AGBL4: variants seen among roughly 807,000 people sequenced by gnomAD.
AGBL4 encodes the protein AGBL carboxypeptidase 4.
In AGBL4, 58 loss-of-function variants were observed where a neutral mutation model predicts 66.4. The observed-to-expected ratio is 0.87, with a 90% CI of 0.71 to 1.09. The LOEUF (loss-of-function observed/expected upper bound fraction) is 1.09. AGBL4 is among the 50% of genes least tolerant of loss of function. The pLI is 0.00. For missense variants in AGBL4, 579 were observed against 631.0 expected (o/e 0.92, Z 0.88); for synonymous variants, 234 against 222.9 (o/e 1.05, Z -0.44).
intron 4 of AGBL4, among the ~76,000 whole-genome samples, chr1:49,192,490 G>A (rs1269526325): frequency 6.6e-6 from 1 of 152,096 alleles, no homozygotes; most frequent in Non-Finnish European, 1.5e-5. Flanking sequence ...GTAGAGACAG[G>A]GTTTCACCAT....
At chr1:49,398,889 A>G (rs1645027488) in intron 3 of AGBL4, among the ~76,000 whole-genome samples, 1 of 152,118 alleles carries the variant, frequency 6.6e-6, no homozygotes. Context: ...GTACAGTTAT[A>G]TTATTTCTGA....
At chr1:49,340,977 C>T (rs932575983) in intron 3 of AGBL4, among the ~76,000 whole-genome samples, 1 of 152,204 alleles carries the variant, frequency 6.6e-6, no homozygotes, top group Non-Finnish European at 1.5e-5. Flanking sequence ...TCCTTTGTCA[C>T]AAGCCCTTGT....
At chr1:49,908,318 T>A (rs544488512) in intron 1 of AGBL4, among the ~76,000 whole-genome samples, 1 of 152,326 alleles carries the variant, frequency 6.6e-6, no homozygotes, top group Non-Finnish European at 1.5e-5. Context: ...GGGAAGTGAC[T>A]GGATCATGGG....
At position 48,534,841 on chromosome 1, in the gene AGBL4, T is replaced by A. The variant is rs770447634; in HGVS notation, c.1391+49A>T. On this transcript the variant is annotated intron_variant, in intron 13 of 13. Transcript: ENST00000371839. ...AGGTGAGATACAGCCCTGGAGCACATGCATGGTATGTTACTTACGGGCAAT... is the reference window on the plus strand; with the variant it reads ...AGGTGAGATACAGCCCTGGAGCACAAGCATGGTATGTTACTTACGGGCAAT... The A allele has an allele frequency of 2.0e-6, 3 of 1,529,764 alleles. No homozygotes were observed. The Admixed American group carries it at 5.9e-5, about 30-fold the overall frequency. 94.8% of individuals were successfully genotyped at this position (1,529,764 alleles called of 1,614,324 possible).
At chr1:49,240,636 A>G (rs1394816263) in intron 4 of AGBL4, among the ~76,000 whole-genome samples, 1 of 149,130 alleles carries the variant, frequency 6.7e-6, no homozygotes, top group African/African-American at 2.5e-5. Flanking sequence ...TGGCCTTTAA[A>G]TGTAGGGATT....
At chr1:49,911,533 A>G (rs1208847254) in intron 1 of AGBL4, among the ~76,000 whole-genome samples, 1 of 152,236 alleles carries the variant, frequency 6.6e-6, no homozygotes, top group African/African-American at 2.4e-5. Context: ...TCACCAAGAT[A>G]GCAAAATAGA....
intron 5 of AGBL4, among the ~76,000 whole-genome samples, chr1:49,016,535 A>G (rs1326968194): frequency 6.6e-6 from 1 of 152,184 alleles, no homozygotes; most frequent in Admixed American, 6.5e-5. Flanking sequence ...AAGAAAGCAC[A>G]TTCTAGCTGG....
chr1:48,585,575 A>G (rs1644805490), intron 11 of AGBL4: 1 of 152,198 alleles, frequency 6.6e-6, no homozygotes, highest in African/African-American at 2.4e-5. Context: ...AGCAGAGCCT[A>G]CTCCCTTGGC....
intron 1 of AGBL4, among the ~76,000 whole-genome samples, chr1:49,874,116 TA>T (rs1646909703): frequency 6.6e-6 from 1 of 151,934 alleles, no homozygotes; most frequent in African/African-American, 2.4e-5. Flanking sequence ...AACCTGAAAA[TA>T]ATGTTTTTAC....
At chr1:49,112,713 A>G (rs1194637145) in intron 4 of AGBL4, among the ~76,000 whole-genome samples, 5 of 152,186 alleles carry the variant, frequency 3.3e-5, no homozygotes, top group South Asian at 4.1e-4. Flanking sequence ...TTGCTCATCA[A>G]TAAGAAGCAA....
chr1:49,483,489 T>C (rs1005304423), intron 3 of AGBL4, among the ~76,000 whole-genome samples: 9 of 151,746 alleles, frequency 5.9e-5, no homozygotes, highest in African/African-American at 1.5e-4. Flanking sequence ...TAAATTCATA[T>C]AGAATGATAC....
rs192287298 is a variant in AGBL4 at position 49,432,550 on chromosome 1, T to C, written c.283-186686A>G. On this transcript the variant is annotated intron_variant, in intron 3 of 13. Transcript: ENST00000371839. ...TATTTTTCCTATGTATTCTTGCATA[T>C]ATGTATGTGTTTTTATAAAATAGAA... is the stretch of plus-strand genomic sequence containing the variant. 1.2e-4 allele frequency among the ~76,000 whole-genome samples: 18 copies of C among 152,284 alleles called. No homozygotes were observed. In the East Asian group the frequency reaches 3.5e-3, roughly 29 times the overall value.
intron 6 of AGBL4, among the ~76,000 whole-genome samples, chr1:48,676,230 T>C (rs1437634161): frequency 4.6e-5 from 7 of 152,258 alleles, no homozygotes; most frequent in Non-Finnish European, 1.0e-4. Flanking sequence ...AAACCTTCAG[T>C]CCTACCTTCC....
intron 1 of AGBL4, among the ~76,000 whole-genome samples, chr1:49,951,884 A>G (rs2148326060): frequency 6.6e-6 from 1 of 152,004 alleles, no homozygotes; most frequent in Admixed American, 6.6e-5. Context: ...TTATGGTTAT[A>G]CCGCTACCTT....
intron 11 of AGBL4, among the ~76,000 whole-genome samples, chr1:48,570,545 C>A (rs190686870): frequency 1.3e-5 from 2 of 151,702 alleles, no homozygotes; most frequent in African/African-American, 4.8e-5. Flanking sequence ...CGTGGGTTAA[C>A]GTTTTTTTTT....
chr1:49,027,444 T>G (rs1047511765), intron 5 of AGBL4, among the ~76,000 whole-genome samples: 1 of 152,106 alleles, frequency 6.6e-6, no homozygotes, highest in Non-Finnish European at 1.5e-5. Context: ...ATTATAGGCA[T>G]GAGCCACCGT....
At chr1:48,673,376 T>C (rs1464932173) in intron 6 of AGBL4, among the ~76,000 whole-genome samples, 1 of 152,152 alleles carries the variant, frequency 6.6e-6, no homozygotes, top group Non-Finnish European at 1.5e-5. Flanking sequence ...ATCCTGACCC[T>C]GAGTGGAAGA....
At chr1:49,016,137 T>C (rs901192021) in intron 5 of AGBL4, among the ~76,000 whole-genome samples, 9 of 152,168 alleles carry the variant, frequency 5.9e-5, no homozygotes, top group African/African-American at 1.9e-4. Context: ...GTGGGTGTTA[T>C]TGATGCAGCT....
chr1:48,596,182 C>T (rs1644991758), intron 9 of AGBL4, among the ~76,000 whole-genome samples: 1 of 152,170 alleles, frequency 6.6e-6, no homozygotes. Context: ...CAGGAGCTTG[C>T]AGCCTAGCAA....
Sources: gnomAD v4.1 joint callset for allele counts (sites outside exome capture counted in the v4.1 genomes callset) on GRCh38, gnomAD v4.1.1 for gene constraint, MANE v1.5 for transcripts, NCBI Gene and HGNC (gene_info 2026-07-23, HGNC 2026-07-21) for gene names.